ROBO1: variants seen among roughly 807,000 people sequenced by gnomAD.
ROBO1 encodes the protein roundabout guidance receptor 1.
A neutral mutation model predicts 195.9 loss-of-function variants in ROBO1; 149 were observed. That is an observed-to-expected ratio of 0.76 (90% CI 0.67 to 0.87). ROBO1 has a LOEUF of 0.87. ROBO1 is among the 40% of genes least tolerant of loss of function. The probability of loss-of-function intolerance (pLI) is 0.00; values close to 1 mark genes in which losing one functional copy is unlikely to be tolerated. For missense variants in ROBO1, 1,933 were observed against 2,068.3 expected, an observed-to-expected ratio of 0.93 and a Z score of 1.27; for synonymous variants, 816 against 733.2, an observed-to-expected ratio of 1.11 and a Z score of -1.82.
intron 26 of ROBO1, among the ~76,000 whole-genome samples, chr3:78,619,670 C>T (rs1329761706): frequency 1.3e-5 from 2 of 151,884 alleles, no homozygotes; most frequent in African/African-American, 2.4e-5. Context: ...ACCATTGCCA[C>T]AGAAAAGGGC....
At chr3:79,481,155 C>G (rs78751988) in intron 2 of ROBO1, among the ~76,000 whole-genome samples, 5,227 of 152,088 alleles carry the variant, frequency 0.034, 205 homozygotes, top group African/African-American at 0.098. Flanking sequence ...AGAAAGAAAT[C>G]GACTGCCTTG....
intron 10 of ROBO1, 33 bp downstream of exon 10, chr3:78,685,713 G>A: frequency 6.7e-7 from 1 of 1,496,614 alleles, no homozygotes; most frequent in Non-Finnish European, 9.1e-7. Flanking sequence ...AGTCAAACTT[G>A]GACATTTTGA....
chr3:79,153,375 A>C (rs1209254525), intron 2 of ROBO1, among the ~76,000 whole-genome samples: 1 of 151,744 alleles, frequency 6.6e-6, no homozygotes, highest in Non-Finnish European at 1.5e-5. Flanking sequence ...TATCACAGTA[A>C]TTTGAAAGCT....
intron 4 of ROBO1, among the ~76,000 whole-genome samples, chr3:78,931,654 A>G (rs1401392340): frequency 1.3e-5 from 2 of 152,188 alleles, no homozygotes; most frequent in Middle Eastern, 3.2e-3. Flanking sequence ...TCTATGGTAC[A>G]GCAAGTATAG....
chr3:79,735,489 C>T (rs1311783615), intron 1 of ROBO1, among the ~76,000 whole-genome samples: 1 of 152,158 alleles, frequency 6.6e-6, no homozygotes, highest in African/African-American at 2.4e-5. Flanking sequence ...AAGTCATCCA[C>T]CTCCTGTATA....
At chr3:78,763,336 A>C (rs1294808916) in intron 4 of ROBO1, among the ~76,000 whole-genome samples, 1 of 152,158 alleles carries the variant, frequency 6.6e-6, no homozygotes, top group African/African-American at 2.4e-5. Context: ...TAGTAAGTAC[A>C]TATGGCCTCT....
chr3:78,697,036 TCA>T (rs2081314027), intron 8 of ROBO1, among the ~76,000 whole-genome samples: 2 of 126,532 alleles, frequency 1.6e-5, no homozygotes, highest in Non-Finnish European at 3.3e-5. Flanking sequence ...TCTCTCTCTG[TCA>T]CACACAGACA....
intron 2 of ROBO1, among the ~76,000 whole-genome samples, chr3:79,403,825 C>T (rs2037451511): frequency 6.6e-6 from 1 of 151,668 alleles, no homozygotes; most frequent in East Asian, 1.9e-4. Context: ...GAAAAAGTTA[C>T]AATGGAAATA....
intron 4 of ROBO1, among the ~76,000 whole-genome samples, chr3:78,769,022 G>A (rs1031522518): frequency 4.6e-5 from 7 of 152,028 alleles, no homozygotes; most frequent in South Asian, 2.1e-4. Context: ...ATGGGCTGTT[G>A]AATGCGTATT....
chr3:78,921,554 C>A (rs914522228), intron 4 of ROBO1, among the ~76,000 whole-genome samples: 2 of 152,126 alleles, frequency 1.3e-5, no homozygotes, highest in East Asian at 3.9e-4. Flanking sequence ...TGAAATAATA[C>A]GATTTTGTTC....
intron 10 of ROBO1, among the ~76,000 whole-genome samples, chr3:78,682,968 T>C (rs975384356): frequency 6.6e-6 from 1 of 152,000 alleles, no homozygotes; most frequent in African/African-American, 2.4e-5. Flanking sequence ...TCTTTCAATA[T>C]TTATACATTT....
intron 1 of ROBO1, among the ~76,000 whole-genome samples, chr3:79,686,829 G>A (rs1947129973): frequency 6.6e-6 from 1 of 152,048 alleles, no homozygotes; most frequent in Admixed American, 6.6e-5. Flanking sequence ...TCCCCATCAA[G>A]CTACCAATAA....
At chr3:78,940,372 T>C (rs779921933) in intron 3 of ROBO1, among the ~76,000 whole-genome samples, 2 of 152,204 alleles carry the variant, frequency 1.3e-5, no homozygotes, top group African/African-American at 2.4e-5. Flanking sequence ...ATAATGTGGG[T>C]TGTCCTCTAC....
At chr3:79,726,906 A>G (rs1420240703) in intron 1 of ROBO1, among the ~76,000 whole-genome samples, 1 of 152,168 alleles carries the variant, frequency 6.6e-6, no homozygotes, top group Non-Finnish European at 1.5e-5. Flanking sequence ...TGCAAATTCA[A>G]AGAGCACTTT....
chr3:79,484,503 ATGTG>A (rs201217356), intron 2 of ROBO1, among the ~76,000 whole-genome samples: 2 of 151,724 alleles, frequency 1.3e-5, no homozygotes, highest in African/African-American at 4.8e-5. Context: ...ATATATATAT[ATGTG>A]TGTGTGTGTA....
intron 4 of ROBO1, among the ~76,000 whole-genome samples, chr3:78,868,016 TG>T (rs2035289379): frequency 6.6e-6 from 1 of 152,132 alleles, no homozygotes; most frequent in Admixed American, 6.6e-5. Flanking sequence ...CTGATAGAGT[TG>T]TAGCATATCA....
chr3:79,252,244 C>A (rs1248033102), intron 2 of ROBO1, among the ~76,000 whole-genome samples: 2 of 151,980 alleles, frequency 1.3e-5, no homozygotes, highest in East Asian at 3.9e-4. Context: ...TCATGTCCAC[C>A]AGGAACCTAT....
chr3:79,460,705 G>A (rs951638190), intron 2 of ROBO1, among the ~76,000 whole-genome samples: 1 of 152,012 alleles, frequency 6.6e-6, no homozygotes, highest in Non-Finnish European at 1.5e-5. Context: ...AATTTCACCT[G>A]CTTTGATTTC....
intron 4 of ROBO1, among the ~76,000 whole-genome samples, chr3:78,909,091 T>C (rs1299200328): frequency 6.6e-6 from 1 of 151,866 alleles, no homozygotes; most frequent in Non-Finnish European, 1.5e-5. Context: ...ATGTTTCATG[T>C]CTCTTTTAAT....
Sources: gnomAD v4.1 joint callset for allele counts (sites outside exome capture counted in the v4.1 genomes callset) on GRCh38, gnomAD v4.1.1 for gene constraint, MANE v1.5 for transcripts, NCBI Gene and HGNC (gene_info 2026-07-23, HGNC 2026-07-21) for gene names.